DNAAF4: variants seen among roughly 807,000 people sequenced by gnomAD.
DNAAF4 encodes dynein axonemal assembly factor 4.
DNAAF4 carries 43 observed loss-of-function variants against 51.8 expected under a neutral mutation model. That is an observed-to-expected ratio of 0.83 (90% CI 0.65 to 1.07). The LOEUF (loss-of-function observed/expected upper bound fraction) is 1.07. Among genes scored for constraint, DNAAF4 ranks in the 50% least tolerant of loss-of-function variants. The pLI is 0.00. For synonymous variants in DNAAF4, 194 were observed against 165.6 expected (o/e 1.17, Z -1.32); for missense variants, 581 against 493.0 (o/e 1.18, Z -1.69).
rs1211531385 is a variant in DNAAF4 at position 55,473,351 on chromosome 15, GTATATATA to G, written c.406-6198_406-6191del. Among the ~76,000 whole-genome samples, 45 of 135,524 alleles carry G rather than the reference GTATATATA, an allele frequency of 3.3e-4. 1 individual carries two copies. Among genetic ancestry groups the G allele is most frequent in the African/African-American group, 1.3e-3 (43 of 32,724 alleles). 88.9% of individuals were successfully genotyped at this position (135,524 alleles called of 152,430 possible). A position where few individuals can be genotyped will look rare whatever the true frequency, so the allele number is the denominator to read the frequency against. On this transcript the variant is annotated intron_variant, in intron 4 of 9. Coordinates refer to ENST00000321149, the MANE Select transcript of DNAAF4 (RefSeq NM_130810.4). ...TATATATGTGTGTATATATATGTGT[GTATATATA>G]TGTGTGTGTGTATATATATATATAT...
chr15:55,435,226 C>T (rs1465824589), intron 7 of DNAAF4, among the ~76,000 whole-genome samples, 168 bp from the exon 8 acceptor site: 1 of 152,122 alleles, frequency 6.6e-6, no homozygotes, highest in Non-Finnish European at 1.5e-5. Flanking sequence ...ACCAGCCTGT[C>T]ATTTGAATGG....
At chr15:55,424,934 C>T (rs1361473589) in intron 7 of DNAAF4, among the ~76,000 whole-genome samples, 3 of 151,616 alleles carry the variant, frequency 2.0e-5, no homozygotes, top group Non-Finnish European at 2.9e-5. Flanking sequence ...GGCGCATTCT[C>T]GGCTCACCAC....
chr15:55,446,018 C>G, intron 6 of DNAAF4, among the ~76,000 whole-genome samples: 1 of 141,894 alleles, frequency 7.0e-6, no homozygotes, highest in African/African-American at 2.6e-5. Context: ...AGAGGCGCTC[C>G]TCACCTCCCA....
At chr15:55,425,912 T>G (rs1194859115), downstream of DNAAF4, among the ~76,000 whole-genome samples, 1 of 152,196 alleles carries the variant, frequency 6.6e-6, no homozygotes, top group East Asian at 1.9e-4. Context: ...AGAGCCAATT[T>G]ATCAAGACAG....
chr15:55,487,569 G>A (rs1334732328), intron 4 of DNAAF4, among the ~76,000 whole-genome samples: 5 of 151,924 alleles, frequency 3.3e-5, no homozygotes, highest in Non-Finnish European at 5.9e-5. Context: ...CTCACTCTTC[G>A]GGTCCGCGCC....
chr15:55,437,413 A>C (rs2057630891), intron 7 of DNAAF4, among the ~76,000 whole-genome samples: 1 of 152,026 alleles, frequency 6.6e-6, no homozygotes, highest in African/African-American at 2.4e-5. Context: ...GCCACAAAAC[A>C]ATCCCTGGTG....
chr15:55,433,915 T>TATGTA (rs1567000459), intron 8 of DNAAF4, among the ~76,000 whole-genome samples: 452 of 10,036 alleles, frequency 0.045, 10 homozygotes, highest in East Asian at 0.4. Context: ...TATATATAAT[T>TATGTA]ATATATATTA....
chr15:55,419,047 G>A (rs1209461740), intron 7 of DNAAF4, among the ~76,000 whole-genome samples: 3 of 151,730 alleles, frequency 2.0e-5, no homozygotes, highest in Non-Finnish European at 4.4e-5. Flanking sequence ...CTCCTGAGTA[G>A]CTGGGATTAC....
chr15:55,443,305 G>A (rs1276508058), intron 6 of DNAAF4: 25 of 1,334,144 alleles, frequency 1.9e-5, no homozygotes, highest in Middle Eastern at 1.9e-4. Flanking sequence ...TACCGGTGGC[G>A]GCTGGCAAAG....
At chr15:55,418,406 G>A (rs1418647454) in intron 7 of DNAAF4, 1 of 1,532,024 alleles carries the variant, frequency 6.5e-7, no homozygotes, top group Non-Finnish European at 8.8e-7. Flanking sequence ...TCATTATGGT[G>A]AATTTCTACC....
At chr15:55,485,687 T>C (rs959825685) in intron 4 of DNAAF4, among the ~76,000 whole-genome samples, 1 of 151,198 alleles carries the variant, frequency 6.6e-6, no homozygotes, top group Admixed American at 6.6e-5. Context: ...CAGAACAAAA[T>C]AGTGAAGAAG....
chr15:55,460,767 A>AT (rs543643696), intron 5 of DNAAF4, among the ~76,000 whole-genome samples: 4,850 of 145,572 alleles, frequency 0.033, 268 homozygotes, highest in African/African-American at 0.11. Flanking sequence ...AGTCTCAATA[A>AT]TTTTTTTTTT....
At chr15:55,465,104 A>G (rs1214952148) in intron 5 of DNAAF4, among the ~76,000 whole-genome samples, 3 of 152,178 alleles carry the variant, frequency 2.0e-5, no homozygotes, top group Non-Finnish European at 4.4e-5. Context: ...AAAAAATAAC[A>G]GATGTTGGTG....
At chr15:55,476,906 C>A (rs2058342393) in intron 4 of DNAAF4, among the ~76,000 whole-genome samples, 1 of 152,258 alleles carries the variant, frequency 6.6e-6, no homozygotes, top group Admixed American at 6.5e-5. Flanking sequence ...CATGGTGGCT[C>A]ACGCCTGTAA....
intron 8 of DNAAF4, among the ~76,000 whole-genome samples, chr15:55,433,276 GT>G (rs201246026): frequency 0.036 from 5,543 of 152,162 alleles, 103 homozygotes; most frequent in African/African-American, 0.05. Flanking sequence ...CTCCAGCCTG[GT>G]GACAGAGTGA....
intron 7 of DNAAF4, among the ~76,000 whole-genome samples, chr15:55,436,791 T>C (rs2057619373): frequency 6.6e-6 from 1 of 152,188 alleles, no homozygotes; most frequent in Non-Finnish European, 1.5e-5. Context: ...AGTGCTGGGA[T>C]TACAGGCGTG....
intron 6 of DNAAF4, among the ~76,000 whole-genome samples, chr15:55,445,032 CT>C (rs35988188): frequency 0.11 from 12,239 of 109,026 alleles, 594 homozygotes; most frequent in African/African-American, 0.19. Context: ...ATTGAATACC[CT>C]TTTTTTTTTT....
intron 3 of DNAAF4, chr15:55,495,179 A>G (rs1187140394): frequency 6.7e-6 from 1 of 148,474 alleles, no homozygotes; most frequent in Non-Finnish European, 1.5e-5. Flanking sequence ...ATTCTTTAAA[A>G]CTCTTTAGGT....
intron 7 of DNAAF4, among the ~76,000 whole-genome samples, chr15:55,419,854 T>C (rs1007744820): frequency 1.3e-5 from 2 of 152,000 alleles, no homozygotes; most frequent in South Asian, 2.1e-4. Context: ...ACAAAAAAAT[T>C]AGCTGGGCAT....
Sources: gnomAD v4.1 joint callset for allele counts (sites outside exome capture counted in the v4.1 genomes callset) on GRCh38, gnomAD v4.1.1 for gene constraint, MANE v1.5 for transcripts, NCBI Gene and HGNC (gene_info 2026-07-23, HGNC 2026-07-21) for gene names.